DOCK9: variants seen among roughly 807,000 people sequenced by gnomAD.
DOCK9 encodes the protein dedicator of cytokinesis 9.
DOCK9 carries 89 observed loss-of-function variants against 263.3 expected under a neutral mutation model. That is an observed-to-expected ratio of 0.34 (90% CI 0.28 to 0.40). DOCK9 has a LOEUF of 0.40. Ranked by LOEUF, DOCK9 falls within the 10% of genes least tolerant of loss-of-function variation. DOCK9 has a pLI of 1.00. For synonymous variants in DOCK9, 976 were observed against 973.1 expected, an observed-to-expected ratio of 1.00 and a Z score of -0.06; for missense variants, 2,140 against 2,603.4, an observed-to-expected ratio of 0.82 and a Z score of 3.87.
intron 1 of DOCK9, among the ~76,000 whole-genome samples, chr13:98,987,675 T>G (rs1466305777): frequency 6.6e-6 from 1 of 152,238 alleles, no homozygotes; most frequent in African/African-American, 2.4e-5. Flanking sequence ...CACACACACT[T>G]GACATACATC....
At position 98,794,679 on chromosome 13, in the gene DOCK9, T is replaced by A; in HGVS notation, c.6226A>T (p.Thr2076Ser). The A allele has an allele frequency of 6.2e-7, 1 of 1,613,562 alleles. No individual in the cohort carries two copies. Among genetic ancestry groups the A allele is most frequent in the Admixed American group, 1.7e-5 (1 of 59,976 alleles). Residue 2076 changes from threonine (T) to serine (S), a missense_variant, in exon 53 of 53, where the codon ACT (threonine) becomes TCT (serine). Physicochemically the swap from Thr to Ser is moderately conservative, Grantham distance 58 (BLOSUM62 1). Transcript: ENST00000682017. ...SLHIFNAISG[T>S]PTSTMVHGMT... is the part of the protein sequence containing the mutation. The stretch of plus-strand genomic sequence containing the variant: ...CCGTGAACCATTGTGCTTGTTGGAG[T>A]CCCACTGATGGCGTTGAAGATGTGA...
At chr13:98,849,943 T>C (rs2093513437) in intron 36 of DOCK9, 104 bp downstream of exon 36, 1 of 786,226 alleles carries the variant, frequency 1.3e-6, no homozygotes, top group Non-Finnish European at 2.1e-6. Flanking sequence ...TAAGTGAGGA[T>C]GTGACATACA....
intron 1 of DOCK9, among the ~76,000 whole-genome samples, chr13:98,963,296 C>G (rs1215204030): frequency 1.3e-5 from 2 of 152,160 alleles, no homozygotes; most frequent in Admixed American, 6.5e-5. Flanking sequence ...CAACATCATG[C>G]AAATTGAAAT....
intron 1 of DOCK9, among the ~76,000 whole-genome samples, chr13:98,983,276 A>G (rs765463796): frequency 2.0e-4 from 30 of 152,230 alleles, no homozygotes; most frequent in Non-Finnish European, 3.5e-4. Flanking sequence ...CAAATGACTA[A>G]AGATTTTCCG....
At position 99,003,377 on chromosome 13, in the gene DOCK9, C is replaced by T. The variant is rs554964166; in HGVS notation, c.130-47826G>A. Among the ~76,000 whole-genome samples the T allele has an allele frequency of 2.0e-5, 3 of 152,322 alleles. No homozygotes were observed. In the South Asian group the frequency reaches 6.2e-4, roughly 32 times the overall value. ...GCTCCTTCTCCTGTCCCTTCCAGGG[C>T]CCTTGGCTCTTTGCCTTCTGAATAC... On this transcript the variant is annotated intron_variant, in intron 1 of 32. Transcript: ENST00000427887.
At chr13:99,006,365 C>T (rs758868130) in intron 1 of DOCK9, among the ~76,000 whole-genome samples, 4 of 151,876 alleles carry the variant, frequency 2.6e-5, no homozygotes, top group African/African-American at 9.7e-5. Flanking sequence ...TAAATCTAGC[C>T]TACAAAAATA....
In DOCK9 at chr13:98,872,607, A is replaced by G. The variant is rs1468276622; in HGVS notation, c.2944-4230T>C. On this transcript the variant is annotated intron_variant, in intron 27 of 52. Transcript: ENST00000682017. ...ACATTTGCAGAGATGACGTCTCACTATGTTGCTCAGGCTGGTCTGGAATTC... is the reference window on the plus strand; with the variant it reads ...ACATTTGCAGAGATGACGTCTCACTGTGTTGCTCAGGCTGGTCTGGAATTC... 2.0e-5 allele frequency among the ~76,000 whole-genome samples: 3 copies of G among 152,080 alleles called. No individual in the cohort carries two copies. The East Asian group carries it at 5.8e-4, about 29-fold the overall frequency.
At chr13:98,920,637 T>C (rs74348683) in intron 7 of DOCK9, among the ~76,000 whole-genome samples, 263 of 152,366 alleles carry the variant, frequency 1.7e-3, no homozygotes, top group African/African-American at 6.2e-3. Flanking sequence ...TTTCCTGCAC[T>C]GATTCATCCA....
At chr13:99,006,432 A>G (rs1223305662) in intron 1 of DOCK9, among the ~76,000 whole-genome samples, 1 of 152,254 alleles carries the variant, frequency 6.6e-6, no homozygotes, top group African/African-American at 2.4e-5. Context: ...TCGATTTATA[A>G]CAACCTAAAT....
chr13:98,956,866 A>G (rs919846678), intron 1 of DOCK9, among the ~76,000 whole-genome samples: 1 of 152,238 alleles, frequency 6.6e-6, no homozygotes, highest in African/African-American at 2.4e-5. Flanking sequence ...TATTAAAATG[A>G]CAATTTTTAT....
At chr13:98,989,343 GATGATAATAATAATA>G (rs1276897095) in intron 1 of DOCK9, among the ~76,000 whole-genome samples, 1 of 121,298 alleles carries the variant, frequency 8.2e-6, no homozygotes, top group Non-Finnish European at 1.8e-5. Context: ...TGATGATGAT[GATGATAATAATAATA>G]ATAATAATAA....
At chr13:98,867,012 AT>A in intron 30 of DOCK9, 1 of 403,968 alleles carries the variant, frequency 2.5e-6, no homozygotes, top group Non-Finnish European at 4.7e-6. Flanking sequence ...TGCATTCTTT[AT>A]TTTTTAGAGG....
At chr13:98,888,817 T>C (rs2046194597) in intron 15 of DOCK9, 106 bp from the exon 16 acceptor site, 3 of 941,420 alleles carry the variant, frequency 3.2e-6, no homozygotes, top group Non-Finnish European at 4.8e-6. Context: ...ATAAAGACAA[T>C]TTTAAACATT....
chr13:99,085,649 A>G (rs1268131174), intron 1 of DOCK9, among the ~76,000 whole-genome samples: 2 of 152,100 alleles, frequency 1.3e-5, no homozygotes, highest in Non-Finnish European at 2.9e-5. Context: ...CCTTCCTAAA[A>G]GGCGGCCAAA....
At chr13:98,949,365 AC>A (rs2057121800) in intron 2 of DOCK9, among the ~76,000 whole-genome samples, 1 of 152,190 alleles carries the variant, frequency 6.6e-6, no homozygotes. Flanking sequence ...GGCTTGGTCC[AC>A]TGTTACAGGA....
chr13:98,961,726 A>G (rs975551469), intron 1 of DOCK9, among the ~76,000 whole-genome samples: 1 of 151,772 alleles, frequency 6.6e-6, no homozygotes, highest in Non-Finnish European at 1.5e-5. Context: ...CATCCCACTC[A>G]GGCCCCAGGG....
At chr13:98,965,434 T>C (rs1410139982) in intron 1 of DOCK9, among the ~76,000 whole-genome samples, 1 of 152,188 alleles carries the variant, frequency 6.6e-6, no homozygotes, top group Non-Finnish European at 1.5e-5. Flanking sequence ...GATTCAGTAA[T>C]ACAGCTTAAA....
At chr13:98,919,378 C>T (rs1158003125) in intron 7 of DOCK9, among the ~76,000 whole-genome samples, 2 of 151,986 alleles carry the variant, frequency 1.3e-5, no homozygotes, top group Admixed American at 6.5e-5. Flanking sequence ...AGATTACAGG[C>T]GTGAGCCACT....
chr13:98,892,188 T>C (rs1185386154), intron 15 of DOCK9, among the ~76,000 whole-genome samples: 1 of 152,166 alleles, frequency 6.6e-6, no homozygotes, highest in Non-Finnish European at 1.5e-5. Context: ...TGTGTGAATG[T>C]AGAAGTGAGG....
Sources: allele counts gnomAD v4.1 joint callset (sites outside exome capture counted in the v4.1 genomes callset), GRCh38; gene constraint gnomAD v4.1.1; transcripts MANE v1.5; gene names NCBI Gene and HGNC (gene_info 2026-07-23, HGNC 2026-07-21).